The following ST6GALNAC3 variants were observed in gnomAD, a reference collection of about 807,000 sequenced individuals.
The protein encoded by ST6GALNAC3 is alpha-N-acetylgalactosaminide alpha-2,6-sialyltransferase 3.
ST6GALNAC3 carries 25 observed loss-of-function variants against 32.7 expected under a neutral mutation model. The observed-to-expected ratio is 0.76, with a 90% CI of 0.56 to 1.07. The LOEUF is 1.07. ST6GALNAC3 is among the 50% of genes least tolerant of loss of function. The pLI, the probability that ST6GALNAC3 is intolerant of heterozygous loss-of-function variation, is 0.00. For synonymous variants in ST6GALNAC3, 129 were observed against 133.1 expected (o/e 0.97, Z 0.21); for missense variants, 355 against 382.4 (o/e 0.93, Z 0.60).
At chr1:76,341,658 T>TTTCTTTCTTTCTTTCTTTCTTTCC (rs1648021925) in intron 2 of ST6GALNAC3, among the ~76,000 whole-genome samples, 1 of 146,476 alleles carries the variant, frequency 6.8e-6, no homozygotes, top group Non-Finnish European at 1.5e-5. Flanking sequence ...TCTTTCTTTC[T>TTTCTTTCTTTCTTTCTTTCTTTCC]TTCTTTCTTT....
At chr1:76,354,465 G>C (rs1250204675) in intron 2 of ST6GALNAC3, among the ~76,000 whole-genome samples, 1 of 152,218 alleles carries the variant, frequency 6.6e-6, no homozygotes, top group Non-Finnish European at 1.5e-5. Flanking sequence ...GTAGGTATTT[G>C]TGTGTATATT....
intron 2 of ST6GALNAC3, among the ~76,000 whole-genome samples, chr1:76,385,242 A>C (rs1419769180): frequency 6.6e-6 from 1 of 152,166 alleles, no homozygotes; most frequent in Non-Finnish European, 1.5e-5. Context: ...TGTATCAGTC[A>C]TGAGACTTCT....
At chr1:76,145,163 C>G (rs1650597496) in intron 1 of ST6GALNAC3, among the ~76,000 whole-genome samples, 1 of 152,144 alleles carries the variant, frequency 6.6e-6, no homozygotes, top group Non-Finnish European at 1.5e-5. Context: ...TCCTGTTTCT[C>G]CTTAACATTT....
intron 3 of ST6GALNAC3, among the ~76,000 whole-genome samples, chr1:76,545,241 G>A (rs561549165): frequency 9.2e-5 from 14 of 152,236 alleles, no homozygotes; most frequent in African/African-American, 3.4e-4. Context: ...TATGACATCC[G>A]TTCTGTCCTA....
rs113578951 is a variant in ST6GALNAC3 at position 76,406,797 on chromosome 1, C to T, written c.214-5211C>T. Among the ~76,000 whole-genome samples the T allele has an allele frequency of 7.8e-3, 1,189 of 151,838 alleles. 15 individuals carry two copies. Among genetic ancestry groups the T allele is most frequent in the African/African-American group, 0.027 (1,114 of 41,406 alleles). On this transcript the variant is annotated intron_variant, in intron 2 of 4. Coordinates refer to ENST00000328299, the MANE Select transcript of ST6GALNAC3 (RefSeq NM_152996.4). ...CATTTCCTGAAAGTTAACATATGCT[C>T]TTCTTTTTAACCTGAAAAATATCTA...
At position 76,568,494 on chromosome 1, in the gene ST6GALNAC3, T is replaced by G. The variant is rs111703064; in HGVS notation, c.624-58958T>G. Among the ~76,000 whole-genome samples, 4 of 152,312 alleles carry G rather than the reference T, an allele frequency of 2.6e-5. 1 individual carries two copies. The highest frequency in any genetic ancestry group is 9.6e-5 in the African/African-American group (4 of 41,572). The stretch of plus-strand genomic sequence containing the variant: ...GACCATCTCTCTCCCAGCATGAAAG[T>G]TGTCTATAAACCCTGTGTAGTCGAA... On this transcript the variant is annotated intron_variant, in intron 3 of 4. Coordinates refer to ENST00000328299, the MANE Select transcript of ST6GALNAC3 (RefSeq NM_152996.4).
At chr1:76,330,443 C>T (rs997237411) in intron 2 of ST6GALNAC3, among the ~76,000 whole-genome samples, 4 of 152,168 alleles carry the variant, frequency 2.6e-5, no homozygotes, top group African/African-American at 7.2e-5. Context: ...GGCGTGAGCC[C>T]GTGCCAGGCC....
chr1:76,363,895 C>G (rs953264566), intron 2 of ST6GALNAC3, among the ~76,000 whole-genome samples: 1 of 152,066 alleles, frequency 6.6e-6, no homozygotes, highest in Non-Finnish European at 1.5e-5. Flanking sequence ...CAAGAAAATA[C>G]CAAGGGGGAT....
intron 4 of ST6GALNAC3, among the ~76,000 whole-genome samples, chr1:76,628,044 A>G (rs1649084404): frequency 6.6e-6 from 1 of 151,978 alleles, no homozygotes; most frequent in Non-Finnish European, 1.5e-5. Context: ...ATCCTTATTT[A>G]AAATGAGTGT....
intron 3 of ST6GALNAC3, among the ~76,000 whole-genome samples, chr1:76,438,635 G>A (rs1207227984): frequency 1.3e-5 from 2 of 151,840 alleles, no homozygotes; most frequent in Non-Finnish European, 1.5e-5. Context: ...AACACTTTAA[G>A]CTTCTCTTCT....
rs59946768 is a variant in ST6GALNAC3 at position 76,260,973 on chromosome 1, TACACAC to T, written c.19-52799_19-52794del. Among the ~76,000 whole-genome samples the T allele has an allele frequency of 7.3e-3, 1,063 of 146,264 alleles. 6 individuals carry two copies. The highest frequency in any genetic ancestry group is 0.01 in the African/African-American group (404 of 40,010). ...TATAGTGTACAATGTGAGGTTTTGA[TACACAC>T]ACACACACACACACACACACACACA... is the stretch of plus-strand genomic sequence containing the variant. On this transcript the variant is annotated intron_variant, in intron 1 of 4. Coordinates refer to ENST00000328299, the MANE Select transcript of ST6GALNAC3 (RefSeq NM_152996.4).
chr1:76,615,630 A>C (rs1648243812), intron 3 of ST6GALNAC3, among the ~76,000 whole-genome samples: 1 of 152,162 alleles, frequency 6.6e-6, no homozygotes, highest in Non-Finnish European at 1.5e-5. Context: ...CTTTTTTGAC[A>C]TTCTGTGACT....
In ST6GALNAC3 at chr1:76,509,362, A is replaced by G. The variant is rs752914347; in HGVS notation, c.623+96945A>G. Among the ~76,000 whole-genome samples, 1 of 152,198 alleles carries G rather than the reference A, an allele frequency of 6.6e-6. No individual in the cohort carries two copies. Among genetic ancestry groups the G allele is most frequent in the African/African-American group, 2.4e-5 (1 of 41,458 alleles). ...GAGTCAGATGAACTTCATATTAAGA[A>G]TGGGTGGAAATTTATAATATTGGGG... On this transcript the variant is annotated intron_variant, in intron 3 of 4. Coordinates refer to ENST00000328299, the MANE Select transcript of ST6GALNAC3 (RefSeq NM_152996.4). This position sits in a 1 kb window ranked among gnomAD's most constrained non-coding sequence, Gnocchi z 5.5.
At chr1:76,172,919 T>C (rs1186382512) in intron 1 of ST6GALNAC3, among the ~76,000 whole-genome samples, 1 of 152,172 alleles carries the variant, frequency 6.6e-6, no homozygotes, top group Non-Finnish European at 1.5e-5. Context: ...CCCAAAGTAA[T>C]TTACAGATTC....
chr1:76,424,048 A>T (rs945618882), intron 3 of ST6GALNAC3, among the ~76,000 whole-genome samples: 1 of 152,024 alleles, frequency 6.6e-6, no homozygotes, highest in African/African-American at 2.4e-5. Context: ...AATGGTTGCT[A>T]TTCCAAGGTG....
At chr1:76,572,100 T>C (rs1047200825) in intron 3 of ST6GALNAC3, among the ~76,000 whole-genome samples, 22 of 150,668 alleles carry the variant, frequency 1.5e-4, no homozygotes, top group African/African-American at 5.0e-4. Flanking sequence ...CATTCAGAAT[T>C]GTTGCTATCA....
intron 1 of ST6GALNAC3, among the ~76,000 whole-genome samples, chr1:76,088,795 A>T (rs751088882): frequency 6.6e-6 from 1 of 152,254 alleles, no homozygotes; most frequent in African/African-American, 2.4e-5. Flanking sequence ...AGCACAATGC[A>T]GTCAACAAAA....
intron 2 of ST6GALNAC3, among the ~76,000 whole-genome samples, chr1:76,337,948 A>G (rs568216386): frequency 9.9e-5 from 15 of 152,142 alleles, no homozygotes; most frequent in Admixed American, 2.0e-4. Flanking sequence ...ATTAACAGTC[A>G]CACAGGCGCT....
intron 1 of ST6GALNAC3, among the ~76,000 whole-genome samples, chr1:76,278,890 T>C (rs1031626188): frequency 2.0e-5 from 3 of 152,222 alleles, no homozygotes; most frequent in African/African-American, 7.2e-5. Context: ...AAAATAGTTC[T>C]GTTCATCGCG....
Sources: allele counts gnomAD v4.1 joint callset (sites outside exome capture counted in the v4.1 genomes callset), GRCh38; gene constraint gnomAD v4.1.1; non-coding constraint Gnocchi (gnomAD v3.1); transcripts MANE v1.5; gene names NCBI Gene and HGNC (gene_info 2026-07-23, HGNC 2026-07-21).